AP3B1: variants seen among roughly 807,000 people sequenced by gnomAD.
The protein encoded by AP3B1 is AP-3 complex subunit beta-1.
AP3B1 carries 61 observed loss-of-function variants against 132.5 expected under a neutral mutation model. That is an observed-to-expected ratio of 0.46 (90% CI 0.37 to 0.57). The LOEUF is 0.57. Among genes scored for constraint, AP3B1 ranks in the 20% least tolerant of loss-of-function variants. The probability of loss-of-function intolerance (pLI) is 0.00; values close to 1 mark genes in which losing one functional copy is unlikely to be tolerated. For synonymous variants in AP3B1, 388 were observed against 438.3 expected, an observed-to-expected ratio of 0.89 and a Z score of 1.43; for missense variants, 1,120 against 1,289.4, an observed-to-expected ratio of 0.87 and a Z score of 2.01.
At chr5:78,273,011 A>G (rs1335432320) in intron 1 of AP3B1, among the ~76,000 whole-genome samples, 1 of 152,230 alleles carries the variant, frequency 6.6e-6, no homozygotes, top group Admixed American at 6.5e-5. Context: ...AAGCTGAAAT[A>G]CATACATATA....
intron 3 of AP3B1, among the ~76,000 whole-genome samples, chr5:78,236,139 T>C (rs1167150674): frequency 6.6e-6 from 1 of 152,180 alleles, no homozygotes; most frequent in African/African-American, 2.4e-5. Context: ...AACAGAACAT[T>C]AGGCAGCTAC....
chr5:78,121,955 C>T (rs531964116), intron 17 of AP3B1: 97 of 152,390 alleles, frequency 6.4e-4, no homozygotes, highest in African/African-American at 2.3e-3. Context: ...CAATAAAATA[C>T]TGGCAAACCG....
At chr5:78,119,391 C>A (rs1159825905) in intron 17 of AP3B1, among the ~76,000 whole-genome samples, 1 of 152,072 alleles carries the variant, frequency 6.6e-6, no homozygotes, top group South Asian at 2.1e-4. Flanking sequence ...CAAACTACTC[C>A]AAGCTACAGG....
At chr5:78,186,912 G>A (rs1744628698) in intron 7 of AP3B1, among the ~76,000 whole-genome samples, 1 of 151,870 alleles carries the variant, frequency 6.6e-6, no homozygotes, top group South Asian at 2.1e-4. Flanking sequence ...TCTCAGAATA[G>A]GAATAATATT....
intron 22 of AP3B1, 105 bp from the exon 23 acceptor site, chr5:78,039,379 T>C: frequency 3.4e-6 from 3 of 876,664 alleles, no homozygotes; most frequent in Non-Finnish European, 5.6e-6. Flanking sequence ...TCCCCTACAG[T>C]ATTATATGAA....
At position 78,129,300 on chromosome 5, in the gene AP3B1, A is replaced by G. The variant is rs776017358; in HGVS notation, c.1658T>C (p.Leu553Ser). 6.2e-7 allele frequency: 1 copy of G among 1,611,432 alleles called. No homozygotes were observed. Among genetic ancestry groups the G allele is most frequent in the East Asian group, 2.2e-5 (1 of 44,806 alleles). ...LYLTNSKQTK[L>S]LTQYILNLGK... is the part of the protein sequence containing the mutation. ...GAGATTTAATATGTACTGGGTAAGC[A>G]ATTTTGTCTGTTGGAAAAAAACAGA... Residue 553 changes from leucine to serine, a missense_variant, in exon 16 of 27, where the codon TTG becomes TCG. Physicochemically the swap from Leu to Ser is moderately radical, Grantham distance 145. Around this residue, in one of 3 missense-constraint regions of AP3B1, gnomAD observed 906 missense variants for 997.1 expected, o/e 0.91. Coordinates refer to ENST00000255194, the MANE Select transcript of AP3B1 (RefSeq NM_003664.5).
chr5:78,012,170 A>C lies in AP3B1; in HGVS notation c.3131+3240T>G, dbSNP rs532068322. Among the ~76,000 whole-genome samples the C allele has an allele frequency of 2.6e-5, 4 of 152,046 alleles. No homozygotes were observed. The South Asian group carries it at 8.3e-4, about 32-fold the overall frequency. ...TTTATCATTAGCAATTAAATAATATATAAACTTAGATATAGAAATGTATTA... is the reference window on the plus strand; with the variant it reads ...TTTATCATTAGCAATTAAATAATATCTAAACTTAGATATAGAAATGTATTA... On this transcript the variant is annotated intron_variant, in intron 26 of 26. Coordinates refer to ENST00000255194, the MANE Select transcript of AP3B1 (RefSeq NM_003664.5).
chr5:78,027,409 T>C (rs893058752), intron 24 of AP3B1, among the ~76,000 whole-genome samples: 3 of 152,092 alleles, frequency 2.0e-5, no homozygotes, highest in African/African-American at 7.2e-5. Context: ...TCTGGTTTCA[T>C]TGGTTCTTGT....
chr5:78,163,076 T>G (rs1012055166), intron 12 of AP3B1, 125 bp from the exon 13 acceptor site: 1 of 890,042 alleles, frequency 1.1e-6, no homozygotes, highest in Non-Finnish European at 1.8e-6. Flanking sequence ...AAGCACAATA[T>G]GAGGACCAAG....
intron 13 of AP3B1, among the ~76,000 whole-genome samples, chr5:78,161,726 C>T (rs1369331593): frequency 6.6e-6 from 1 of 151,810 alleles, no homozygotes; most frequent in Non-Finnish European, 1.5e-5. Context: ...GTAGAAAAAT[C>T]TTCAGTCATA....
intron 22 of AP3B1, among the ~76,000 whole-genome samples, chr5:78,071,389 C>T (rs543154022): frequency 6.6e-6 from 1 of 152,196 alleles, no homozygotes; most frequent in South Asian, 2.1e-4. Context: ...AATGGAACAA[C>T]ACCCACTGGG....
At chr5:78,090,780 G>A (rs960535461) in intron 21 of AP3B1, among the ~76,000 whole-genome samples, 1 of 152,026 alleles carries the variant, frequency 6.6e-6, no homozygotes, top group African/African-American at 2.4e-5. Flanking sequence ...ATACCCTAAA[G>A]GGAATAACAT....
At chr5:78,123,429 A>T (rs1479870058) in intron 17 of AP3B1, among the ~76,000 whole-genome samples, 1 of 152,160 alleles carries the variant, frequency 6.6e-6, no homozygotes, top group Admixed American at 6.5e-5. Context: ...AATGGGAGAA[A>T]ATTTTTGCAA....
chr5:78,246,010 TAACA>T (rs1747365217), intron 2 of AP3B1, among the ~76,000 whole-genome samples: 4 of 152,252 alleles, frequency 2.6e-5, no homozygotes, highest in Middle Eastern at 3.4e-3. Flanking sequence ...GTTGAGGAGA[TAACA>T]TAAGGTCATT....
At chr5:78,142,814 C>T (rs1469896301) in intron 14 of AP3B1, among the ~76,000 whole-genome samples, 1 of 152,004 alleles carries the variant, frequency 6.6e-6, no homozygotes, top group East Asian at 1.9e-4. Flanking sequence ...GGTCTAAGTG[C>T]TATTAAAAAT....
chr5:78,015,211 G>A (rs1260327970), intron 26 of AP3B1, among the ~76,000 whole-genome samples, 199 bp downstream of exon 26: 1 of 152,014 alleles, frequency 6.6e-6, no homozygotes, highest in Non-Finnish European at 1.5e-5. Flanking sequence ...ATGCCAGTAT[G>A]ATAAGGATGC....
chr5:78,262,632 T>C (rs749512542), intron 2 of AP3B1, among the ~76,000 whole-genome samples: 2 of 152,154 alleles, frequency 1.3e-5, no homozygotes, highest in Non-Finnish European at 2.9e-5. Flanking sequence ...TTCACTACTA[T>C]GCTTTGTCAT....
intron 22 of AP3B1, among the ~76,000 whole-genome samples, chr5:78,058,148 A>C (rs895162692): frequency 3.9e-5 from 6 of 152,216 alleles, no homozygotes; most frequent in Admixed American, 2.0e-4. Flanking sequence ...CATCTCGATA[A>C]AAATTCATTT....
At chr5:78,103,129 T>A (rs1221200108) in intron 20 of AP3B1, among the ~76,000 whole-genome samples, 1 of 152,200 alleles carries the variant, frequency 6.6e-6, no homozygotes, top group African/African-American at 2.4e-5. Flanking sequence ...GGTATTCCTC[T>A]TATATTTCAT....
Sources: allele counts gnomAD v4.1 joint callset (sites outside exome capture counted in the v4.1 genomes callset), GRCh38; gene constraint gnomAD v4.1.1; regional missense constraint gnomAD v4.1.1; transcripts MANE v1.5; gene names NCBI Gene and HGNC (gene_info 2026-07-23, HGNC 2026-07-21).